The following NPAS2 variants were observed in gnomAD, a reference collection of about 807,000 sequenced individuals.
NPAS2 encodes neuronal PAS domain-containing protein 2.
Under a neutral mutation model 107.5 loss-of-function variants are expected in NPAS2, and 23 were observed. The observed-to-expected ratio is 0.21, with a 90% CI of 0.15 to 0.30. The LOEUF is 0.30. NPAS2 is among the 10% of genes least tolerant of loss of function. NPAS2 has a pLI of 1.00. For synonymous variants in NPAS2, 403 were observed against 417.5 expected, an observed-to-expected ratio of 0.97 and a Z score of 0.42; for missense variants, 756 against 1,043.3, an observed-to-expected ratio of 0.72 and a Z score of 3.79.
At chr2:100,893,352 G>C (rs748405014) in intron 1 of NPAS2, among the ~76,000 whole-genome samples, 2 of 152,228 alleles carry the variant, frequency 1.3e-5, no homozygotes, top group African/African-American at 4.8e-5. Flanking sequence ...GTGTGTGCTC[G>C]GTTTTGCCTT....
intron 2 of NPAS2, among the ~76,000 whole-genome samples, chr2:100,907,738 T>C (rs756596212): frequency 6.6e-6 from 1 of 152,166 alleles, no homozygotes; most frequent in Non-Finnish European, 1.5e-5. Flanking sequence ...GAATTCATGG[T>C]GTATTTGGGT....
At chr2:100,909,860 AG>A (rs1682431065) in intron 2 of NPAS2, among the ~76,000 whole-genome samples, 1 of 152,114 alleles carries the variant, frequency 6.6e-6, no homozygotes, top group South Asian at 2.1e-4. Flanking sequence ...CTCAAAACAA[AG>A]GGGAAAGTAG....
intron 16 of NPAS2, chr2:100,986,297 G>A (rs371015859): frequency 1.9e-3 from 284 of 152,220 alleles, no homozygotes; most frequent in Middle Eastern, 3.4e-3. Flanking sequence ...TAAGTGGCTC[G>A]ACCCCACCCA....
intron 5 of NPAS2, among the ~76,000 whole-genome samples, chr2:100,945,968 G>A (rs1487861710): frequency 6.6e-6 from 1 of 152,166 alleles, no homozygotes; most frequent in African/African-American, 2.4e-5. Flanking sequence ...CATCAGGGAT[G>A]TGGTGGTGAA....
intron 2 of NPAS2, among the ~76,000 whole-genome samples, chr2:100,916,649 G>GT (rs958503652): frequency 7.9e-5 from 12 of 152,112 alleles, no homozygotes; most frequent in Admixed American, 7.2e-4. Flanking sequence ...GCTCCTCTTA[G>GT]TAATAGAACT....
intron 5 of NPAS2, among the ~76,000 whole-genome samples, chr2:100,942,297 T>G (rs1674621677): frequency 6.6e-6 from 1 of 152,186 alleles, no homozygotes; most frequent in Non-Finnish European, 1.5e-5. Context: ...GCCCCTGGCC[T>G]GTGTTAACAC....
In NPAS2 at chr2:100,968,501, CT is replaced by C; in HGVS notation, c.1055+74del. 2 of 1,463,340 alleles carry C rather than the reference CT, an allele frequency of 1.4e-6. No homozygotes were observed. The highest frequency in any genetic ancestry group is 9.4e-7 in the Non-Finnish European group (1 of 1,064,554). The allele number at this position is 1,463,340 out of a possible 1,614,324, so 90.6% of individuals were successfully genotyped here. Reference sequence around the variant, plus strand: ...GGAGGGGTGCAGGATGGCGTGGCCCCTGATGGCCAAGTCAGATCAGCAGTCA... The same window carrying C: ...GGAGGGGTGCAGGATGGCGTGGCCCCGATGGCCAAGTCAGATCAGCAGTCA... On this transcript the variant is annotated intron_variant, in intron 11 of 20. Coordinates refer to ENST00000335681, the MANE Select transcript of NPAS2 (RefSeq NM_002518.4). This position sits in a 1 kb window ranked among gnomAD's most constrained non-coding sequence, Gnocchi z 5.3.
rs117139881 is a variant in NPAS2 at position 100,905,333 on chromosome 2, A to C, written c.32+547A>C. Among the ~76,000 whole-genome samples the C allele has an allele frequency of 4.5e-4, 69 of 152,058 alleles. 1 individual carries two copies. In the East Asian group the frequency reaches 9.7e-3, roughly 21 times the overall value. ...ACCTTGCGCTGTGGTTGGGTCAACTAAAAATACTAACTTGGCAGCTGGCAT... is the reference window on the plus strand; with the variant it reads ...ACCTTGCGCTGTGGTTGGGTCAACTCAAAATACTAACTTGGCAGCTGGCAT... On this transcript the variant is annotated intron_variant, in intron 2 of 20. Transcript: ENST00000335681.
rs377180965 is a variant in NPAS2 at position 100,942,803 on chromosome 2, G to A, written c.363+4961G>A. On this transcript the variant is annotated intron_variant, in intron 5 of 20. Transcript: ENST00000335681. ...CTTCACTGCTAAACTCTTTAGTATC[G>A]CCTTTTGTTTCACCGTGTATAAATG... 8.8e-4 allele frequency among the ~76,000 whole-genome samples: 134 copies of A among 152,160 alleles called. 1 individual carries two copies. Among genetic ancestry groups the A allele is most frequent in the African/African-American group, 3.0e-3 (124 of 41,500 alleles).
At chr2:100,980,504 C>T (rs751147675) in intron 15 of NPAS2, among the ~76,000 whole-genome samples, 2 of 152,128 alleles carry the variant, frequency 1.3e-5, no homozygotes, top group South Asian at 4.2e-4. Context: ...GGGTCTCACT[C>T]TGTTGCCCAG....
intron 5 of NPAS2, among the ~76,000 whole-genome samples, chr2:100,939,282 C>G (rs1019989787): frequency 6.6e-6 from 1 of 152,206 alleles, no homozygotes. Flanking sequence ...CAGATGCCTT[C>G]CCAGTAGGCC....
intron 1 of NPAS2, among the ~76,000 whole-genome samples, chr2:100,852,241 CA>C (rs1207560441): frequency 6.6e-6 from 1 of 151,716 alleles, no homozygotes; most frequent in Non-Finnish European, 1.5e-5. Flanking sequence ...CTAAAAAATA[CA>C]AAAAATTAGC....
chr2:100,931,483 CTTTTT>C (rs10709889), intron 3 of NPAS2, among the ~76,000 whole-genome samples: 3 of 81,324 alleles, frequency 3.7e-5, no homozygotes. Flanking sequence ...TAACTCAGCT[CTTTTT>C]TTTTTTTTTT....
intron 2 of NPAS2, among the ~76,000 whole-genome samples, chr2:100,915,840 G>A (rs1032419000): frequency 6.6e-6 from 1 of 152,016 alleles, no homozygotes; most frequent in African/African-American, 2.4e-5. Context: ...CTTGGAATAG[G>A]AAGAATAAAG....
intron 1 of NPAS2, among the ~76,000 whole-genome samples, chr2:100,880,773 A>G: frequency 6.6e-6 from 1 of 151,510 alleles, no homozygotes; most frequent in Non-Finnish European, 1.5e-5. Context: ...ACCTCAATTT[A>G]AACAATAATC....
chr2:100,889,853 A>T (rs556478538), intron 1 of NPAS2, among the ~76,000 whole-genome samples: 25 of 152,264 alleles, frequency 1.6e-4, no homozygotes, highest in Admixed American at 1.4e-3. Flanking sequence ...TTGACTTTTT[A>T]AAAATGGTGA....
chr2:100,950,898 A>G (rs1358264944), intron 7 of NPAS2, among the ~76,000 whole-genome samples: 1 of 152,220 alleles, frequency 6.6e-6, no homozygotes, highest in Admixed American at 6.5e-5. Context: ...TGAATGTTTA[A>G]TGAACCACAC....
rs1306720068 is a variant in NPAS2, at chr2:100,873,295, TATATATATATATAC to T, written c.-22-31436_-22-31423del. Among the ~76,000 whole-genome samples, 10 of 44,004 alleles carry T rather than the reference TATATATATATATAC, an allele frequency of 2.3e-4. No individual in the cohort carries two copies. In the South Asian group the frequency reaches 5.4e-3, roughly 24 times the overall value. The allele number at this position is 44,004 out of a possible 152,430, so 28.9% of individuals were successfully genotyped here. ...AAATACATATATATATATATATATA[TATATATATATATAC>T]ACACACACACACACACACACACACA... On this transcript the variant is annotated intron_variant, in intron 1 of 20. Transcript: ENST00000335681.
intron 15 of NPAS2, among the ~76,000 whole-genome samples, chr2:100,978,078 G>T (rs1266315427): frequency 6.6e-6 from 1 of 151,854 alleles, no homozygotes; most frequent in Non-Finnish European, 1.5e-5. Flanking sequence ...TTCTTTAGGG[G>T]TGATTTCTGA....
Sources: allele counts gnomAD v4.1 joint callset (sites outside exome capture counted in the v4.1 genomes callset), GRCh38; gene constraint gnomAD v4.1.1; non-coding constraint Gnocchi (gnomAD v3.1); transcripts MANE v1.5; gene names NCBI Gene and HGNC (gene_info 2026-07-23, HGNC 2026-07-21).